FABP6: variants seen among roughly 807,000 people sequenced by gnomAD.
FABP6 encodes the protein gastrotropin.
Under a neutral mutation model 14.9 loss-of-function variants are expected in FABP6, and 13 were observed. The ratio of observed to expected loss-of-function variants is 0.87; its 90% confidence interval spans 0.57 to 1.39. FABP6 has a LOEUF of 1.39. Among genes scored for constraint, FABP6 ranks in the 40% most tolerant of loss-of-function variants. FABP6 has a pLI of 0.00. For missense variants in FABP6, 161 were observed against 167.2 expected (o/e 0.96, Z 0.20); for synonymous variants, 75 against 63.6 (o/e 1.18, Z -0.85).
chr5:160,213,268 G>A (rs111961637), intron 2 of FABP6, among the ~76,000 whole-genome samples: 1,594 of 152,218 alleles, frequency 0.01, 27 homozygotes, highest in African/African-American at 0.036. Flanking sequence ...TTGTCCCATC[G>A]CCCGATGGCA....
intron 1 of FABP6, among the ~76,000 whole-genome samples, chr5:160,190,627 C>T (rs1759375731): frequency 6.6e-6 from 1 of 152,174 alleles, no homozygotes; most frequent in African/African-American, 2.4e-5. Context: ...GCTCTTTCTA[C>T]TGGGAATAGC....
chr5:160,217,942 C>T (rs979714231), intron 3 of FABP6, among the ~76,000 whole-genome samples: 4 of 152,186 alleles, frequency 2.6e-5, no homozygotes, highest in East Asian at 1.9e-4. Context: ...TGTGCCTGGC[C>T]TATTTATTTA....
chr5:160,195,752 T>C (rs1041154724), intron 1 of FABP6: 2 of 152,160 alleles, frequency 1.3e-5, no homozygotes, highest in Non-Finnish European at 2.9e-5. Context: ...TTTTTTCCTT[T>C]ATTATTATTT....
intron 1 of FABP6, 43 bp downstream of exon 1, chr5:160,229,667 C>T: frequency 6.3e-7 from 1 of 1,586,786 alleles, no homozygotes; most frequent in Non-Finnish European, 8.7e-7. Context: ...GTTGGTTTGT[C>T]ACAGCCAGCT....
At chr5:160,211,947 A>C (rs561279825) in intron 2 of FABP6, among the ~76,000 whole-genome samples, 6 of 151,142 alleles carry the variant, frequency 4.0e-5, no homozygotes, top group African/African-American at 1.5e-4. Context: ...GAAAAACAAC[A>C]ACAACAATTT....
chr5:160,232,388 C>A, intron 2 of FABP6, 115 bp downstream of exon 2: 1 of 1,094,456 alleles, frequency 9.1e-7, no homozygotes, highest in Non-Finnish European at 1.3e-6. Context: ...TGGCCTCCAG[C>A]ATTAGGAGCT....
chr5:160,236,832 A>G (rs1033694851), intron 3 of FABP6, among the ~76,000 whole-genome samples: 2 of 149,938 alleles, frequency 1.3e-5, no homozygotes, highest in African/African-American at 4.9e-5. Context: ...AAAAAAAAAA[A>G]TTAGCCAGGT....
intron 1 of FABP6, among the ~76,000 whole-genome samples, chr5:160,193,490 C>T (rs544138230): frequency 6.6e-6 from 1 of 152,200 alleles, no homozygotes; most frequent in South Asian, 2.1e-4. Context: ...CTTATTTGGC[C>T]CCACCCACAT....
chr5:160,199,258 C>G, intron 2 of FABP6: 2 of 1,169,858 alleles, frequency 1.7e-6, no homozygotes, highest in Non-Finnish European at 2.5e-6. Flanking sequence ...GCTCGCCTTT[C>G]TCTGTGATGC....
In FABP6 at chr5:160,232,245, T is replaced by A; in HGVS notation, c.215T>A (p.Ile72Lys). Residue 72 changes from isoleucine to lysine, a missense_variant, in exon 2 of 4, where the codon ATA (isoleucine) becomes AAA (lysine). Coordinates refer to ENST00000402432, the MANE Select transcript of FABP6 (RefSeq NM_001445.3). ...NKFTVGKESNIQTMGGKTFKA... is the reference protein window; with the variant it reads ...NKFTVGKESNKQTMGGKTFKA... Reference sequence around the variant, plus strand: ...TTCACTGTTGGCAAGGAAAGCAACATACAGACAATGGGGGGCAAGACGTTC... The same window carrying A: ...TTCACTGTTGGCAAGGAAAGCAACAAACAGACAATGGGGGGCAAGACGTTC... 1 of 1,611,452 alleles carries A rather than the reference T, an allele frequency of 6.2e-7. No individual in the cohort carries two copies. Among genetic ancestry groups the A allele is most frequent in the Non-Finnish European group, 8.5e-7 (1 of 1,178,818 alleles).
chr5:160,203,649 C>G (rs1014118899), intron 2 of FABP6, among the ~76,000 whole-genome samples: 1 of 152,090 alleles, frequency 6.6e-6, no homozygotes, highest in Non-Finnish European at 1.5e-5. Context: ...GAGTGCAAAC[C>G]ACTGCATCCA....
intron 2 of FABP6, among the ~76,000 whole-genome samples, chr5:160,207,096 T>C (rs1174097852): frequency 6.6e-6 from 1 of 152,212 alleles, no homozygotes; most frequent in Non-Finnish European, 1.5e-5. Flanking sequence ...GAAGGAAAAG[T>C]GCAAAGGCAA....
At chr5:160,223,609 G>A (rs72812220) in intron 3 of FABP6, among the ~76,000 whole-genome samples, 4,296 of 151,036 alleles carry the variant, frequency 0.028, 86 homozygotes, top group Non-Finnish European at 0.045. Flanking sequence ...TTTTTATAGA[G>A]ATGATTTTTT....
chr5:160,196,934 C>A (rs1263365583), intron 1 of FABP6: 2 of 152,240 alleles, frequency 1.3e-5, no homozygotes. Flanking sequence ...GGCCACTCAG[C>A]CACTCTCATC....
chr5:160,218,079 C>A (rs1436157709), intron 3 of FABP6, among the ~76,000 whole-genome samples: 2 of 152,116 alleles, frequency 1.3e-5, no homozygotes. Flanking sequence ...AGGGGGACTA[C>A]GGACACAGGC....
Position 160,237,564 on chromosome 5 carries a change from T to C in FABP6, c.334-1042T>C, listed in dbSNP as rs532841295. Among the ~76,000 whole-genome samples, 4 of 152,204 alleles carry C rather than the reference T, an allele frequency of 2.6e-5. 1 individual carries two copies. The South Asian group carries it at 8.3e-4, about 32-fold the overall frequency. On this transcript the variant is annotated intron_variant, in intron 3 of 3. Transcript: ENST00000402432. ...TCCTGCCTTCCGCCACCAGCACCCC[T>C]GCCATGTTCTCATCACCTCTCCCCT...
At chr5:160,189,833 G>T (rs1215887725) in intron 1 of FABP6, among the ~76,000 whole-genome samples, 1 of 152,212 alleles carries the variant, frequency 6.6e-6, no homozygotes, top group South Asian at 2.1e-4. Flanking sequence ...TTGGGAAGTT[G>T]TTGGTATGTA....
intron 3 of FABP6, among the ~76,000 whole-genome samples, chr5:160,238,119 C>G (rs1003875259): frequency 3.9e-5 from 6 of 152,164 alleles, no homozygotes; most frequent in African/African-American, 7.2e-5. Context: ...AGCATCCCCC[C>G]CGCCTGCCTC....
intron 1 of FABP6, among the ~76,000 whole-genome samples, chr5:160,193,270 G>T (rs1030374878): frequency 2.0e-5 from 3 of 152,002 alleles, no homozygotes; most frequent in African/African-American, 7.3e-5. Context: ...GGAGTTGTTC[G>T]TTCCTCCCGG....
Sources: gnomAD v4.1 joint callset for allele counts (sites outside exome capture counted in the v4.1 genomes callset) on GRCh38, gnomAD v4.1.1 for gene constraint, MANE v1.5 for transcripts, NCBI Gene and HGNC (gene_info 2026-07-23, HGNC 2026-07-21) for gene names.